XDH: variants seen among roughly 807,000 people sequenced by gnomAD.
The protein encoded by XDH is xanthine dehydrogenase/oxidase.
Under a neutral mutation model 156.1 loss-of-function variants are expected in XDH, and 138 were observed. That is an observed-to-expected ratio of 0.88 (90% CI 0.77 to 1.02). The LOEUF is 1.02. XDH is among the 50% of genes least tolerant of loss of function. The probability of loss-of-function intolerance (pLI) is 0.00; values close to 1 mark genes in which losing one functional copy is unlikely to be tolerated. For missense variants in XDH, 1,849 were observed against 1,684.9 expected (o/e 1.10, Z -1.71); for synonymous variants, 669 against 625.7 (o/e 1.07, Z -1.03).
intron 7 of XDH, 35 bp from the exon 8 acceptor site, chr2:31,387,932 T>C (rs766204942): frequency 4.5e-6 from 7 of 1,550,300 alleles, no homozygotes; most frequent in African/African-American, 2.7e-5. Flanking sequence ...TGATGCAGTA[T>C]CTCCTCCTTT....
At chr2:31,348,567 C>A (rs1685366377) in intron 27 of XDH, among the ~76,000 whole-genome samples, 1 of 152,180 alleles carries the variant, frequency 6.6e-6, no homozygotes, top group South Asian at 2.1e-4. Flanking sequence ...ATGTTTCTCT[C>A]TGTTTCTCTT....
chr2:31,338,423 G>T (rs985465587), intron 34 of XDH, among the ~76,000 whole-genome samples: 2 of 152,100 alleles, frequency 1.3e-5, no homozygotes. Flanking sequence ...ATTTCTAGGC[G>T]TGGGCCCCAG....
intron 9 of XDH, among the ~76,000 whole-genome samples, chr2:31,384,871 T>C (rs1261032373): frequency 6.6e-6 from 1 of 152,230 alleles, no homozygotes; most frequent in South Asian, 2.1e-4. Context: ...GTTTTCTCTT[T>C]GTCTGCCTTC....
intron 8 of XDH, among the ~76,000 whole-genome samples, chr2:31,387,182 G>C (rs903436843): frequency 6.6e-6 from 1 of 152,202 alleles, no homozygotes; most frequent in Non-Finnish European, 1.5e-5. Context: ...CTGGTGGCCT[G>C]CTGCAAAGCC....
intron 16 of XDH, 65 bp from the exon 17 acceptor site, chr2:31,372,462 G>A: frequency 6.2e-7 from 1 of 1,605,512 alleles, no homozygotes. Context: ...TGGGCCCAGG[G>A]GACACTGGTG....
At chr2:31,345,479 T>G (rs1356586888) in intron 30 of XDH, among the ~76,000 whole-genome samples, 1 of 152,226 alleles carries the variant, frequency 6.6e-6, no homozygotes, top group Non-Finnish European at 1.5e-5. Flanking sequence ...CTTGATATAA[T>G]TTATGCCTTC....
intron 31 of XDH, among the ~76,000 whole-genome samples, chr2:31,343,308 A>ATG (rs529785037): frequency 3.0e-5 from 3 of 98,474 alleles, no homozygotes; most frequent in Middle Eastern, 6.8e-3. Flanking sequence ...ATATATATAT[A>ATG]TATATATATA....
In XDH at chr2:31,373,957, C is replaced by A. The variant is rs1467089309; in HGVS notation, c.1603-1G>T. 1 of 1,613,202 alleles carries A rather than the reference C, an allele frequency of 6.2e-7. No individual in the cohort carries two copies. On this transcript the variant is annotated splice_acceptor_variant, in intron 15 of 35. Transcript: ENST00000379416. LOFTEE classifies it high-confidence loss of function. ...AAGTGGGGTCCAGTTTACCACACTTCTGTGGAGACAAGAAAACAGAGGTGA... is the reference window on the plus strand; with the variant it reads ...AAGTGGGGTCCAGTTTACCACACTTATGTGGAGACAAGAAAACAGAGGTGA...
In XDH at chr2:31,376,778, T is replaced by TAATAGTAAC. The variant is rs45600638; in HGVS notation, c.1427+266_1427+274dup. ...ATCATAATATTAATTATAGTTGCAATAATAGTAACAATAGTAGTAGCAGCA... is the reference window on the plus strand; with the variant it reads ...ATCATAATATTAATTATAGTTGCAATAATAGTAACAATAGTAACAATAGTAGTAGCAGCA... On this transcript the variant is annotated intron_variant, in intron 14 of 35. Transcript: ENST00000379416. 0.46 allele frequency among the ~76,000 whole-genome samples: 68,983 copies of TAATAGTAAC among 148,498 alleles called. 17,547 individuals carry two copies. The highest frequency in any genetic ancestry group is 0.68 in the African/African-American group (27,667 of 40,530).
At chr2:31,397,610 T>C in intron 6 of XDH, 58 bp downstream of exon 6, 2 of 1,606,130 alleles carry the variant, frequency 1.2e-6, no homozygotes. Context: ...CCCACAGTGA[T>C]TTCTGAGTGT....
chr2:31,389,924 C>A (rs1032303384), intron 6 of XDH, among the ~76,000 whole-genome samples: 8 of 152,032 alleles, frequency 5.3e-5, no homozygotes, highest in African/African-American at 1.9e-4. Context: ...TCCCAAATAC[C>A]CCTATCCCAA....
rs750238011 is a variant in XDH, at chr2:31,381,669, T to G, written c.1096A>C (p.Met366Leu). The change falls in exon 12 of 36, where the codon ATG (methionine) becomes CTG (leucine). Residue 366 changes from methionine (M) to leucine (L), a missense_variant. Physicochemically the swap from Met to Leu is conservative, Grantham distance 15. Transcript: ENST00000379416. ...SPISDLNPVFMASGAKLTLVS... is the reference protein window; with the variant it reads ...SPISDLNPVFLASGAKLTLVS... ...AGTGTCAGCTTGGCCCCACTGGCCA[T>G]GAACACGGGGTTGAGGTCGGAGATG... 1.3e-5 allele frequency: 21 copies of G among 1,613,990 alleles called. No individual in the cohort carries two copies. The highest frequency in any genetic ancestry group is 1.7e-5 in the Admixed American group (1 of 60,004).
intron 30 of XDH, 139 bp from the exon 31 acceptor site, chr2:31,344,875 C>T: frequency 1.2e-6 from 1 of 860,050 alleles, no homozygotes; most frequent in Non-Finnish European, 1.9e-6. Flanking sequence ...CATACCTTAC[C>T]TTACATTGTC....
In XDH at chr2:31,339,531, C is replaced by G. The variant is rs1449555909; in HGVS notation, c.3732G>C (p.Leu1244=). The G allele has an allele frequency of 6.2e-7, 1 of 1,614,226 alleles. No individual in the cohort carries two copies. Among genetic ancestry groups the G allele is most frequent in the South Asian group, 1.1e-5 (1 of 91,090 alleles). Residue 1244 remains leucine, a synonymous_variant, in exon 34 of 36, where the codon CTG becomes CTC. Coordinates refer to ENST00000379416, the MANE Select transcript of XDH (RefSeq NM_000379.4). The part of the protein sequence containing the change: ...GSIPIEFRVS[L]LRDCPNKKAI... ...CCTTCTTGTTGGGGCAGTCGCGGAGCAGGGACACCCTGAACTCAATGGGGA... is the reference window on the plus strand; with the variant it reads ...CCTTCTTGTTGGGGCAGTCGCGGAGGAGGGACACCCTGAACTCAATGGGGA...
intron 7 of XDH, 129 bp downstream of exon 7, chr2:31,388,098 A>C: frequency 8.7e-7 from 1 of 1,143,740 alleles, no homozygotes; most frequent in Admixed American, 1.9e-5. Context: ...CCATCCCCAC[A>C]GTCTGCCATC....
At chr2:31,346,688 A>T in intron 30 of XDH, 81 bp downstream of exon 30, 1 of 1,515,888 alleles carries the variant, frequency 6.6e-7, no homozygotes, top group Non-Finnish European at 9.2e-7. Context: ...GTCTCCTATT[A>T]CTTGTTCGGA....
At chr2:31,388,124 G>T in intron 7 of XDH, 103 bp downstream of exon 7, 4 of 1,353,922 alleles carry the variant, frequency 3.0e-6, no homozygotes, top group South Asian at 1.2e-5. Context: ...CTCACCGTAG[G>T]TTCCTCTTCC....
chr2:31,387,867 C>T lies in XDH; in HGVS notation c.595G>A (p.Glu199Lys). 6.3e-7 allele frequency: 1 copy of T among 1,587,790 alleles called. No homozygotes were observed. The highest frequency in any genetic ancestry group is 8.6e-7 in the Non-Finnish European group (1 of 1,167,572). Residue 199 changes from glutamate to lysine, a missense_variant, in exon 8 of 36, where the codon GAG becomes AAG. By Grantham distance (56) the Glu-to-Lys change is moderately conservative (BLOSUM62 1). Coordinates refer to ENST00000379416, the MANE Select transcript of XDH (RefSeq NM_000379.4). ...GTTGGATCCAGGGGCGTGAACTCCTCTGGTTTGAATAAAGATGGCGAGAGG... is the reference window on the plus strand; with the variant it reads ...GTTGGATCCAGGGGCGTGAACTCCTTTGGTTTGAATAAAGATGGCGAGAGG... ...VSLSPSLFKPEEFTPLDPTQE... is the reference protein window; with the variant it reads ...VSLSPSLFKPKEFTPLDPTQE...
intron 34 of XDH, among the ~76,000 whole-genome samples, chr2:31,338,113 G>A (rs762163455): frequency 6.6e-6 from 1 of 152,048 alleles, no homozygotes; most frequent in African/African-American, 2.4e-5. Context: ...AGTTATACTC[G>A]GTAATTGTAT....
Sources: gnomAD v4.1 joint callset for allele counts (sites outside exome capture counted in the v4.1 genomes callset) on GRCh38, gnomAD v4.1.1 for gene constraint, MANE v1.5 for transcripts, NCBI Gene and HGNC (gene_info 2026-07-23, HGNC 2026-07-21) for gene names.